EEPD1: variants seen among roughly 807,000 people sequenced by gnomAD.
EEPD1 encodes endonuclease/exonuclease/phosphatase family domain containing 1.
Under a neutral mutation model 46.3 loss-of-function variants are expected in EEPD1, and 17 were observed. The observed-to-expected ratio is 0.37, with a 90% CI of 0.25 to 0.55. The LOEUF is 0.55. Among genes scored for constraint, EEPD1 ranks in the 20% least tolerant of loss-of-function variants. EEPD1 has a pLI of 0.83. For synonymous variants in EEPD1, 313 were observed against 315.6 expected, an observed-to-expected ratio of 0.99 and a Z score of 0.09; for missense variants, 673 against 745.6, an observed-to-expected ratio of 0.90 and a Z score of 1.13.
At position 36,248,994 on chromosome 7, in the gene EEPD1, A is replaced by AACACACACACACACACACACAC. The variant is rs71553052; in HGVS notation, c.930+9978_930+9999dup. Reference sequence around the variant, plus strand: ...ATGGGCTAGGCTCTGTGGTTCATTAAACACACACACACACACACACACACA... The same window carrying AACACACACACACACACACACAC: ...ATGGGCTAGGCTCTGTGGTTCATTAAACACACACACACACACACACACACACACACACACACACACACACACA... On this transcript the variant is annotated intron_variant, in intron 3 of 7. Transcript: ENST00000242108. Among the ~76,000 whole-genome samples the AACACACACACACACACACACAC allele has an allele frequency of 1.6e-3, 213 of 135,414 alleles. 1 individual carries two copies. The highest frequency in any genetic ancestry group is 3.8e-3 in the South Asian group (15 of 3,900). 88.8% of individuals were successfully genotyped at this position (135,414 alleles called of 152,430 possible).
At chr7:36,165,214 A>G (rs183016841) in intron 2 of EEPD1, among the ~76,000 whole-genome samples, 21 of 152,226 alleles carry the variant, frequency 1.4e-4, no homozygotes, top group African/African-American at 4.1e-4. Flanking sequence ...CAGTTGTACC[A>G]TATTTTAGAT....
At chr7:36,190,662 A>G (rs149856392) in intron 2 of EEPD1, among the ~76,000 whole-genome samples, 2 of 152,298 alleles carry the variant, frequency 1.3e-5, no homozygotes, top group African/African-American at 4.8e-5. Context: ...CTTTGTTCCA[A>G]TGGGTTTATT....
chr7:36,192,909 C>T (rs1309108865), intron 2 of EEPD1, among the ~76,000 whole-genome samples: 1 of 152,230 alleles, frequency 6.6e-6, no homozygotes, highest in Non-Finnish European at 1.5e-5. Context: ...TGAGTGGTGG[C>T]CAGATCTCCG....
chr7:36,204,488 C>T (rs1406727115), intron 2 of EEPD1, among the ~76,000 whole-genome samples: 1 of 152,178 alleles, frequency 6.6e-6, no homozygotes, highest in Admixed American at 6.5e-5. Context: ...CTATGCCAAA[C>T]CCTTTTACAG....
At chr7:36,178,945 A>G (rs1013658811) in intron 2 of EEPD1, among the ~76,000 whole-genome samples, 17 of 152,274 alleles carry the variant, frequency 1.1e-4, no homozygotes, top group African/African-American at 3.9e-4. Flanking sequence ...ATGTTCCTTT[A>G]TGAATTCTGG....
chr7:36,261,035 T>C lies in EEPD1; in HGVS notation c.931-20080T>C, dbSNP rs186582884. Reference sequence around the variant, plus strand: ...TCAGGGACTTGAGCATCTGTGGATTTTGGTATTTGAGGGAGGTCCTGGAAC... The same window carrying C: ...TCAGGGACTTGAGCATCTGTGGATTCTGGTATTTGAGGGAGGTCCTGGAAC... On this transcript the variant is annotated intron_variant, in intron 3 of 7. Coordinates refer to ENST00000242108, the MANE Select transcript of EEPD1 (RefSeq NM_030636.3). Among the ~76,000 whole-genome samples, 5 of 152,344 alleles carry C rather than the reference T, an allele frequency of 3.3e-5. No homozygotes were observed. The East Asian group carries it at 9.6e-4, about 29-fold the overall frequency.
intron 2 of EEPD1, among the ~76,000 whole-genome samples, chr7:36,159,952 A>G (rs1345983534): frequency 6.6e-6 from 1 of 152,320 alleles, no homozygotes. Flanking sequence ...GTGGATTTGT[A>G]AGAGAAGACA....
intron 2 of EEPD1, among the ~76,000 whole-genome samples, chr7:36,218,865 G>C (rs1786080890): frequency 6.6e-6 from 1 of 152,154 alleles, no homozygotes; most frequent in African/African-American, 2.4e-5. Flanking sequence ...AGAGAAGTAG[G>C]CTGGTGGGAA....
At chr7:36,295,177 A>AC (rs1787503000) in intron 6 of EEPD1, among the ~76,000 whole-genome samples, 1 of 81,824 alleles carries the variant, frequency 1.2e-5, no homozygotes, top group Non-Finnish European at 2.8e-5. Context: ...ACTCTGTCTC[A>AC]AAAAGAAAAA....
intron 3 of EEPD1, 42 bp from the exon 4 acceptor site, chr7:36,281,073 A>C (rs765417802): frequency 1.1e-5 from 17 of 1,582,800 alleles, no homozygotes; most frequent in Non-Finnish European, 1.4e-5. Context: ...GGACTGCTTT[A>C]GGCGCGAACC....
rs1467087157 is a variant in EEPD1, at chr7:36,178,868, G to A, written c.878+23666G>A. On this transcript the variant is annotated intron_variant, in intron 2 of 7. Coordinates refer to ENST00000242108, the MANE Select transcript of EEPD1 (RefSeq NM_030636.3). ...CTCCAGGGAGATAACTTAATCCAAG[G>A]CCATGTTCAGTTAATTTAGAAAAGC... 2.0e-5 allele frequency among the ~76,000 whole-genome samples: 3 copies of A among 152,290 alleles called. No individual in the cohort carries two copies. The South Asian group carries it at 6.2e-4, about 32-fold the overall frequency.
intron 2 of EEPD1, among the ~76,000 whole-genome samples, chr7:36,181,858 G>A (rs1785273024): frequency 6.6e-6 from 1 of 152,178 alleles, no homozygotes. Context: ...TTAACAAAGA[G>A]GAGGAGGAGA....
chr7:36,252,189 C>T (rs1396201616), intron 3 of EEPD1, among the ~76,000 whole-genome samples: 1 of 152,204 alleles, frequency 6.6e-6, no homozygotes, highest in Non-Finnish European at 1.5e-5. Context: ...ATTACAGACT[C>T]AGGCAGAGGC....
intron 2 of EEPD1, among the ~76,000 whole-genome samples, chr7:36,164,061 G>A (rs111694627): frequency 0.011 from 1,637 of 152,158 alleles, 20 homozygotes; most frequent in Non-Finnish European, 0.015. Context: ...ATGTGTCTAC[G>A]AACATATGTA....
chr7:36,184,445 G>T (rs755292845), intron 2 of EEPD1, among the ~76,000 whole-genome samples: 2 of 152,262 alleles, frequency 1.3e-5, no homozygotes, highest in African/African-American at 2.4e-5. Flanking sequence ...GCTCAACCCA[G>T]CATTGGTCTT....
At position 36,268,780 on chromosome 7, in the gene EEPD1, G is replaced by A. The variant is rs146515898; in HGVS notation, c.931-12335G>A. On this transcript the variant is annotated intron_variant, in intron 3 of 7. Coordinates refer to ENST00000242108, the MANE Select transcript of EEPD1 (RefSeq NM_030636.3). ...GAGACTTGCTGGGTGCCAGGCCTGT[G>A]CTACCTGCTTTAGAAATAGCAAATA... Among the ~76,000 whole-genome samples, 4 of 152,292 alleles carry A rather than the reference G, an allele frequency of 2.6e-5. No individual in the cohort carries two copies. The South Asian group carries it at 6.2e-4, about 24-fold the overall frequency.
intron 3 of EEPD1, among the ~76,000 whole-genome samples, chr7:36,239,539 G>A (rs1348642534): frequency 6.6e-6 from 1 of 152,160 alleles, no homozygotes. Context: ...CTATTCAGTA[G>A]TCAAGTTCAT....
intron 5 of EEPD1, among the ~76,000 whole-genome samples, chr7:36,285,138 G>A (rs77312288): frequency 1.3e-3 from 200 of 152,252 alleles, no homozygotes; most frequent in Admixed American, 2.2e-3. Context: ...TACAGTCAGG[G>A]ATTCCTAGAC....
At chr7:36,206,392 TAATC>T (rs1220679001) in intron 2 of EEPD1, among the ~76,000 whole-genome samples, 1 of 152,176 alleles carries the variant, frequency 6.6e-6, no homozygotes, top group Non-Finnish European at 1.5e-5. Flanking sequence ...CTTATGCACA[TAATC>T]AATATGAAAA....
Sources: gnomAD v4.1 joint callset for allele counts (sites outside exome capture counted in the v4.1 genomes callset) on GRCh38, gnomAD v4.1.1 for gene constraint, MANE v1.5 for transcripts, NCBI Gene and HGNC (gene_info 2026-07-23, HGNC 2026-07-21) for gene names.